IMMP2L: variants seen among roughly 807,000 people sequenced by gnomAD.
The protein encoded by IMMP2L is mitochondrial inner membrane protease subunit 2.
Under a neutral mutation model 19.3 loss-of-function variants are expected in IMMP2L, and 18 were observed. The ratio of observed to expected loss-of-function variants is 0.93; its 90% confidence interval spans 0.64 to 1.38. IMMP2L has a LOEUF of 1.38. IMMP2L is among the 40% of genes most tolerant of loss of function. The pLI is 0.00. For missense variants in IMMP2L, 233 were observed against 218.2 expected (o/e 1.07, Z -0.43); for synonymous variants, 76 against 73.0 (o/e 1.04, Z -0.21).
At chr7:110,975,084 T>C (rs1820549169) in intron 3 of IMMP2L, among the ~76,000 whole-genome samples, 1 of 152,142 alleles carries the variant, frequency 6.6e-6, no homozygotes, top group African/African-American at 2.4e-5. Flanking sequence ...GCCTATCTAT[T>C]CATAGTTACA....
chr7:111,016,834 A>G (rs1211621582), intron 3 of IMMP2L, among the ~76,000 whole-genome samples: 1 of 70,300 alleles, frequency 1.4e-5, no homozygotes, highest in Admixed American at 2.8e-4. Context: ...AATATATAGT[A>G]TATATTATAT....
chr7:111,120,481 TCCCTCCCA>T (rs1392935562), intron 3 of IMMP2L, among the ~76,000 whole-genome samples: 1 of 152,064 alleles, frequency 6.6e-6, no homozygotes, highest in Non-Finnish European at 1.5e-5. Context: ...TCCCACCAGG[TCCCTCCCA>T]CAACACATGG....
intron 3 of IMMP2L, among the ~76,000 whole-genome samples, chr7:111,009,693 A>G (rs1470721571): frequency 6.6e-6 from 1 of 152,054 alleles, no homozygotes; most frequent in Non-Finnish European, 1.5e-5. Flanking sequence ...AAAATGGATA[A>G]AAAAAGGAAG....
At chr7:110,829,800 T>G (rs969529792) in intron 5 of IMMP2L, among the ~76,000 whole-genome samples, 1 of 152,168 alleles carries the variant, frequency 6.6e-6, no homozygotes, top group Non-Finnish European at 1.5e-5. Context: ...AACTTCATCT[T>G]TGAAGGCTCC....
At chr7:110,931,655 C>A (rs1815499768) in intron 4 of IMMP2L, among the ~76,000 whole-genome samples, 1 of 152,222 alleles carries the variant, frequency 6.6e-6, no homozygotes, top group African/African-American at 2.4e-5. Flanking sequence ...TACTACAGAA[C>A]CCCCACACTG....
chr7:111,137,552 G>C (rs1021528432), intron 3 of IMMP2L, among the ~76,000 whole-genome samples: 11 of 152,002 alleles, frequency 7.2e-5, no homozygotes, highest in Non-Finnish European at 1.6e-4. Flanking sequence ...TAATAATCAA[G>C]CTTGATAAGC....
chr7:111,483,721 A>G (rs929449742), intron 3 of IMMP2L: 3 of 152,210 alleles, frequency 2.0e-5, no homozygotes, highest in Non-Finnish European at 2.9e-5. Flanking sequence ...TTTGCTATAT[A>G]TGTGTTTCTG....
intron 5 of IMMP2L, among the ~76,000 whole-genome samples, chr7:110,782,783 A>G (rs974584972): frequency 1.3e-5 from 2 of 151,938 alleles, no homozygotes; most frequent in East Asian, 3.9e-4. Context: ...TCAGCTATGT[A>G]CAAAACTATC....
chr7:111,390,526 A>G (rs994510462), intron 3 of IMMP2L: 1 of 152,148 alleles, frequency 6.6e-6, no homozygotes, highest in Admixed American at 6.6e-5. Flanking sequence ...AGACAGGTAT[A>G]AATTTTTTTC....
chr7:111,132,509 T>C (rs530089813), intron 3 of IMMP2L, among the ~76,000 whole-genome samples: 4 of 152,144 alleles, frequency 2.6e-5, no homozygotes, highest in Admixed American at 6.5e-5. Flanking sequence ...ACTGACACTA[T>C]AGGCATGGGA....
At chr7:111,132,642 C>T (rs1323407255) in intron 3 of IMMP2L, among the ~76,000 whole-genome samples, 1 of 151,884 alleles carries the variant, frequency 6.6e-6, no homozygotes, top group Non-Finnish European at 1.5e-5. Flanking sequence ...AGGAGTTCTA[C>T]TTTATAAATT....
chr7:111,493,270 GTTTA>G lies in IMMP2L; in HGVS notation c.136-5933_136-5930del, dbSNP rs546879851. Among the ~76,000 whole-genome samples, 325 of 152,070 alleles carry G rather than the reference GTTTA, an allele frequency of 2.1e-3. 3 individuals are homozygous for G. Among genetic ancestry groups the G allele is most frequent in the African/African-American group, 7.4e-3 (308 of 41,506 alleles). On this transcript the variant is annotated intron_variant, in intron 2 of 5. Coordinates refer to ENST00000405709, the MANE Select transcript of IMMP2L (RefSeq NM_032549.4). ...TAATCACAACACAATAAACTATCTT[GTTTA>G]TTTATTAATCTAACACTTATGAATA...
At chr7:111,266,157 G>A (rs536113439) in intron 3 of IMMP2L, among the ~76,000 whole-genome samples, 16 of 152,234 alleles carry the variant, frequency 1.1e-4, no homozygotes, top group Non-Finnish European at 2.1e-4. Context: ...AGTGACTGCT[G>A]TATCTCTACA....
chr7:111,393,289 C>T (rs901139809), intron 3 of IMMP2L, among the ~76,000 whole-genome samples: 7 of 152,138 alleles, frequency 4.6e-5, no homozygotes, highest in Admixed American at 1.3e-4. Context: ...TTCTACACTA[C>T]TATAATGCTT....
intron 3 of IMMP2L, among the ~76,000 whole-genome samples, chr7:110,987,314 C>A (rs1406193551): frequency 6.6e-6 from 1 of 152,150 alleles, no homozygotes. Flanking sequence ...TCAGAGTTGA[C>A]AGCTATTGGC....
intron 3 of IMMP2L, chr7:111,391,945 C>G (rs571285615): frequency 1.4e-4 from 98 of 702,962 alleles, no homozygotes; most frequent in Non-Finnish European, 2.1e-4. Context: ...TGCACTTCTT[C>G]AATCTTAGGC....
chr7:111,086,376 G>A (rs562792565), intron 3 of IMMP2L, among the ~76,000 whole-genome samples: 1 of 152,094 alleles, frequency 6.6e-6, no homozygotes, highest in Non-Finnish European at 1.5e-5. Context: ...GGATTTCGAG[G>A]TTATTGCAGT....
intron 5 of IMMP2L, among the ~76,000 whole-genome samples, chr7:110,804,506 G>A (rs1453753413): frequency 6.6e-6 from 1 of 151,958 alleles, no homozygotes; most frequent in East Asian, 1.9e-4. Flanking sequence ...GGTTTCTAAT[G>A]CACACCGAGT....
rs2131227288 is a variant in IMMP2L at position 110,803,705 on chromosome 7, G to C, written c.408+82888C>G. Among the ~76,000 whole-genome samples, 1 of 152,144 alleles carries C rather than the reference G, an allele frequency of 6.6e-6. No individual in the cohort carries two copies. Among genetic ancestry groups the C allele is most frequent in the South Asian group, 2.1e-4 (1 of 4,810 alleles). ...CTGTAGCCAAGGGCAAGTCCTGATG[G>C]GCTGACAGGCTATCCCCTGGGAGCA... is the stretch of plus-strand genomic sequence containing the variant. On this transcript the variant is annotated intron_variant, in intron 5 of 5. Transcript: ENST00000405709. This position sits in a 1 kb window ranked among gnomAD's most constrained non-coding sequence, Gnocchi z 4.2.
Sources: gnomAD v4.1 joint callset for allele counts (sites outside exome capture counted in the v4.1 genomes callset) on GRCh38, gnomAD v4.1.1 for gene constraint, Gnocchi (gnomAD v3.1) non-coding constraint, MANE v1.5 for transcripts, NCBI Gene and HGNC (gene_info 2026-07-23, HGNC 2026-07-21) for gene names.